The following MEIKIN variants were observed in gnomAD, a reference collection of about 807,000 sequenced individuals.
The protein encoded by MEIKIN is meiotic kinetochore factor, also known as meiosis-specific kinetochore protein.
chr5:131,824,073 C>A (rs1336094355), intron 11 of MEIKIN, among the ~76,000 whole-genome samples: 1 of 152,166 alleles, frequency 6.6e-6, no homozygotes, highest in Non-Finnish European at 1.5e-5. Flanking sequence ...GATCCAAGCA[C>A]CCCTGTGACC....
At chr5:131,937,015 T>A (rs2149654101) in intron 4 of MEIKIN, among the ~76,000 whole-genome samples, 1 of 152,296 alleles carries the variant, frequency 6.6e-6, no homozygotes, top group East Asian at 1.9e-4. Flanking sequence ...GAGATCTCAA[T>A]CCATTTGCTC....
chr5:131,857,704 C>G (rs1580875021), intron 9 of MEIKIN, among the ~76,000 whole-genome samples: 1 of 152,204 alleles, frequency 6.6e-6, no homozygotes, highest in East Asian at 1.9e-4. Flanking sequence ...CCCTTACAGC[C>G]TTCCTCCACC....
intron 6 of MEIKIN, among the ~76,000 whole-genome samples, chr5:131,917,563 CAAAAA>C (rs546218361): frequency 3.9e-5 from 3 of 76,778 alleles, no homozygotes; most frequent in Non-Finnish European, 2.7e-5. Flanking sequence ...TACTCCATCT[CAAAAA>C]AAAAAAAAAA....
intron 8 of MEIKIN, among the ~76,000 whole-genome samples, chr5:131,880,619 C>T (rs1231528822): frequency 6.6e-6 from 1 of 152,192 alleles, no homozygotes; most frequent in African/African-American, 2.4e-5. Context: ...AATAGCATTT[C>T]AATTCACCTC....
chr5:131,882,840 C>T (rs1164727155), intron 8 of MEIKIN, among the ~76,000 whole-genome samples: 6 of 152,066 alleles, frequency 3.9e-5, no homozygotes, highest in African/African-American at 1.2e-4. Flanking sequence ...ATGGTTTTTT[C>T]ACTTATTGTT....
intron 11 of MEIKIN, among the ~76,000 whole-genome samples, chr5:131,837,988 G>A (rs1749840657): frequency 1.3e-5 from 2 of 152,024 alleles, no homozygotes; most frequent in Admixed American, 6.5e-5. Context: ...TATGATGTTG[G>A]CTGTGGGTTT....
At chr5:131,817,483 G>A (rs1773122960) in intron 12 of MEIKIN, among the ~76,000 whole-genome samples, 1 of 151,942 alleles carries the variant, frequency 6.6e-6, no homozygotes, top group African/African-American at 2.4e-5. Flanking sequence ...GGGCGTGGTG[G>A]CGGGTGCCTG....
Position 131,945,224 on chromosome 5 carries a change from G to C in MEIKIN, c.132C>G (p.His44Gln), listed in dbSNP as rs1311566092. 1 of 399,144 alleles carries C rather than the reference G, an allele frequency of 2.5e-6. No homozygotes were observed. Among genetic ancestry groups the C allele is most frequent in the Non-Finnish European group, 4.4e-6 (1 of 226,232 alleles). The allele number at this position is 399,144 out of a possible 1,614,324, so 24.7% of individuals were successfully genotyped here. Residue 44 changes from histidine to glutamine, a missense_variant, in exon 2 of 13, where the codon CAC (histidine) becomes CAG (glutamine). Physicochemically the swap from His to Gln is conservative, Grantham distance 24 (BLOSUM62 0). Coordinates refer to ENST00000442687, the MANE Select transcript of MEIKIN (RefSeq NM_001303622.2). ...PPGSKRKGKV[H>Q]GLSKIAEKAE... is the part of the protein sequence containing the mutation. ...CTTTCTCTGCAATCTTCGACAAGCCGTGCACTTTGCCTTTTCTCTTCGAAC... is the reference window on the plus strand; with the variant it reads ...CTTTCTCTGCAATCTTCGACAAGCCCTGCACTTTGCCTTTTCTCTTCGAAC...
At chr5:131,941,683 T>C (rs906651617) in intron 4 of MEIKIN, among the ~76,000 whole-genome samples, 1 of 152,198 alleles carries the variant, frequency 6.6e-6, no homozygotes, top group Non-Finnish European at 1.5e-5. Context: ...CAAATTTCTA[T>C]CTCCAGCCTT....
At position 131,818,793 on chromosome 5, in the gene MEIKIN, T is replaced by C; in HGVS notation, c.1046A>G (p.Lys349Arg). ...TSPGTRQVKNKGVIVKKKKYS... is the reference protein window; with the variant it reads ...TSPGTRQVKNRGVIVKKKKYS... Reference sequence around the variant, plus strand: ...TTTCTTCTTCTTTACAATAACACCTTTATTTTTCACTTGTCTAGTTCCTGG... The same window carrying C: ...TTTCTTCTTCTTTACAATAACACCTCTATTTTTCACTTGTCTAGTTCCTGG... The change falls in exon 12 of 13, where the codon AAA becomes AGA. Residue 349 changes from lysine (K) to arginine (R), a missense_variant. Physicochemically the swap from Lys to Arg is conservative, Grantham distance 26 (BLOSUM62 2). Transcript: ENST00000442687. 2 of 398,226 alleles carry C rather than the reference T, an allele frequency of 5.0e-6. No individual in the cohort carries two copies. Among genetic ancestry groups the C allele is most frequent in the Non-Finnish European group, 8.9e-6 (2 of 225,840 alleles). The allele number at this position is 398,226 out of a possible 1,614,324, so 24.7% of individuals were successfully genotyped here.
intron 11 of MEIKIN, among the ~76,000 whole-genome samples, chr5:131,846,965 C>T (rs997395038): frequency 6.6e-6 from 1 of 152,146 alleles, no homozygotes. Flanking sequence ...TAACTTTAGA[C>T]TGCTAAATAA....
At chr5:131,897,415 G>A (rs906892023) in intron 8 of MEIKIN, among the ~76,000 whole-genome samples, 10 of 152,176 alleles carry the variant, frequency 6.6e-5, no homozygotes, top group African/African-American at 2.4e-4. Flanking sequence ...TGTATTTCCT[G>A]AATTTGAATG....
At chr5:131,877,161 T>A (rs1213921360) in intron 9 of MEIKIN, among the ~76,000 whole-genome samples, 5 of 151,766 alleles carry the variant, frequency 3.3e-5, no homozygotes, top group South Asian at 2.1e-4. Flanking sequence ...ATAAAATTTT[T>A]AAAAAAAGCA....
At position 131,904,452 on chromosome 5, in the gene MEIKIN, T is replaced by C. The variant is rs186242650; in HGVS notation, c.703+7363A>G. 1.9e-3 allele frequency among the ~76,000 whole-genome samples: 292 copies of C among 152,282 alleles called. 1 individual carries two copies. Among genetic ancestry groups the C allele is most frequent in the Non-Finnish European group, 2.9e-3 (200 of 68,016 alleles). On this transcript the variant is annotated intron_variant, in intron 8 of 12. Coordinates refer to ENST00000442687, the MANE Select transcript of MEIKIN (RefSeq NM_001303622.2). ...GCAAATTTCAAAAGAAATGAAATCA[T>C]ACCAACCACTCTCTCAGACCACAGA...
chr5:131,923,741 C>T (rs143659242), intron 5 of MEIKIN, among the ~76,000 whole-genome samples: 3 of 151,786 alleles, frequency 2.0e-5, no homozygotes, highest in African/African-American at 7.2e-5. Flanking sequence ...CCTATTTCTC[C>T]TTGATTCTTT....
intron 4 of MEIKIN, among the ~76,000 whole-genome samples, chr5:131,938,169 T>C (rs1000126138): frequency 8.8e-5 from 13 of 147,080 alleles, no homozygotes; most frequent in African/African-American, 3.3e-4. Flanking sequence ...CACCCCCTTT[T>C]TTTTTTTTTT....
intron 6 of MEIKIN, among the ~76,000 whole-genome samples, chr5:131,917,474 G>T (rs531995312): frequency 6.7e-6 from 1 of 150,340 alleles, no homozygotes; most frequent in African/African-American, 2.5e-5. Context: ...GCTGGGGCAC[G>T]AGAATTGCTT....
chr5:131,926,164 T>C (rs1016996259), intron 5 of MEIKIN, among the ~76,000 whole-genome samples: 2 of 152,222 alleles, frequency 1.3e-5, no homozygotes, highest in Non-Finnish European at 2.9e-5. Context: ...GAGTATGATG[T>C]TAGCTATGGG....
intron 12 of MEIKIN, among the ~76,000 whole-genome samples, chr5:131,812,264 A>T (rs1438660990): frequency 6.6e-6 from 1 of 152,246 alleles, no homozygotes; most frequent in African/African-American, 2.4e-5. Context: ...TTTCACTGCT[A>T]TATAGCACTT....
Sources: gnomAD v4.1 joint callset for allele counts (sites outside exome capture counted in the v4.1 genomes callset) on GRCh38, gnomAD v4.1.1 for gene constraint, MANE v1.5 for transcripts, NCBI Gene and HGNC (gene_info 2026-07-23, HGNC 2026-07-21) for gene names.